Variants in ADAMTS12 observed in about 807,000 individuals in gnomAD.
ADAMTS12 encodes ADAM metallopeptidase with thrombospondin type 1 motif 12.
Under a neutral mutation model 167.8 loss-of-function variants are expected in ADAMTS12, and 118 were observed. The ratio of observed to expected loss-of-function variants is 0.70; its 90% CI spans 0.61 to 0.82. The LOEUF is 0.82. Ranked by LOEUF, ADAMTS12 falls within the 40% of genes least tolerant of loss-of-function variation. The probability of loss-of-function intolerance (pLI) is 0.00; values close to 1 mark genes in which losing one functional copy is unlikely to be tolerated. For synonymous variants in ADAMTS12, 704 were observed against 716.9 expected (o/e 0.98, Z 0.29); for missense variants, 1,916 against 1,998.8 (o/e 0.96, Z 0.79).
At chr5:33,732,173 T>C (rs2112354694) in intron 3 of ADAMTS12, among the ~76,000 whole-genome samples, 1 of 152,286 alleles carries the variant, frequency 6.6e-6, no homozygotes, top group African/African-American at 2.4e-5. Context: ...AGGCAATACA[T>C]GTACCACATA....
intron 2 of ADAMTS12, among the ~76,000 whole-genome samples, chr5:33,768,881 T>C (rs1323368343): frequency 6.6e-6 from 1 of 152,014 alleles, no homozygotes; most frequent in Non-Finnish European, 1.5e-5. Flanking sequence ...ATGCCCTAAT[T>C]CCCAGAATCT....
chr5:33,874,455 A>G lies in ADAMTS12; in HGVS notation c.489+6664T>C, dbSNP rs570848073. On this transcript the variant is annotated intron_variant, in intron 2 of 23. Coordinates refer to ENST00000504830, the MANE Select transcript of ADAMTS12 (RefSeq NM_030955.4). ...CAAATGCTGGCAAAGATATGGAGCA[A>G]TAGGAACTCACCTTCATTGCTGGTG... 4.6e-5 allele frequency among the ~76,000 whole-genome samples: 7 copies of G among 152,354 alleles called. No individual in the cohort carries two copies. In the East Asian group the frequency reaches 1.3e-3, roughly 29 times the overall value.
In ADAMTS12 at chr5:33,790,983, G is replaced by A. The variant is rs114661358; in HGVS notation, c.490-39435C>T. ...GTTAACATTGGTCAGAGGGTTGCAT[G>A]GTGATTCCCAGTCCCTCCACTACAG... On this transcript the variant is annotated intron_variant, in intron 2 of 23. Coordinates refer to ENST00000504830, the MANE Select transcript of ADAMTS12 (RefSeq NM_030955.4). Among the ~76,000 whole-genome samples, 1,196 of 152,070 alleles carry A rather than the reference G, an allele frequency of 7.9e-3. 17 individuals carry two copies. Among genetic ancestry groups the A allele is most frequent in the African/African-American group, 0.028 (1,145 of 41,452 alleles).
intron 16 of ADAMTS12, among the ~76,000 whole-genome samples, chr5:33,613,664 G>C (rs1048716779): frequency 5.9e-5 from 9 of 152,194 alleles, no homozygotes; most frequent in African/African-American, 2.2e-4. Context: ...AACCTTCATT[G>C]TGTTGAATTA....
At chr5:33,883,822 G>A (rs1003496095) in intron 1 of ADAMTS12, among the ~76,000 whole-genome samples, 2 of 152,144 alleles carry the variant, frequency 1.3e-5, no homozygotes, top group African/African-American at 2.4e-5. Flanking sequence ...AACTGACTCA[G>A]TCCTCTCTCC....
chr5:33,751,632 G>A (rs1744985690), intron 2 of ADAMTS12, 84 bp from the exon 3 acceptor site: 4 of 1,371,604 alleles, frequency 2.9e-6, no homozygotes, highest in East Asian at 2.3e-5. Flanking sequence ...TATAGCTTAT[G>A]AGTATCTCTG....
At chr5:33,624,704 C>G (rs1272575269) in intron 13 of ADAMTS12, among the ~76,000 whole-genome samples, 1 of 152,118 alleles carries the variant, frequency 6.6e-6, no homozygotes, top group Non-Finnish European at 1.5e-5. Flanking sequence ...GTGTTCTCAT[C>G]CTGGAAAAGG....
chr5:33,840,660 T>C (rs907240604), intron 2 of ADAMTS12, among the ~76,000 whole-genome samples: 1 of 152,198 alleles, frequency 6.6e-6, no homozygotes, highest in Admixed American at 6.5e-5. Flanking sequence ...GTACTAACAG[T>C]ATTCAGCTCT....
chr5:33,653,931 A>G (rs543150498), intron 7 of ADAMTS12, among the ~76,000 whole-genome samples: 85 of 152,240 alleles, frequency 5.6e-4, no homozygotes, highest in Non-Finnish European at 1.1e-3. Flanking sequence ...TGAGGCTCCA[A>G]TGACATGAAC....
In ADAMTS12 at chr5:33,738,529, C is replaced by T. The variant is rs563345979; in HGVS notation, c.634+12875G>A. Among the ~76,000 whole-genome samples the T allele has an allele frequency of 2.6e-5, 4 of 152,302 alleles. No homozygotes were observed. In the South Asian group the frequency reaches 6.2e-4, roughly 24 times the overall value. On this transcript the variant is annotated intron_variant, in intron 3 of 23. Coordinates refer to ENST00000504830, the MANE Select transcript of ADAMTS12 (RefSeq NM_030955.4). ...CTAATGAGAAATGGCTTTCGGCTTT[C>T]ACCTCTCATGTCATGGGTCACCTGC... is the stretch of plus-strand genomic sequence containing the variant.
At chr5:33,795,141 G>A (rs1746725572) in intron 2 of ADAMTS12, among the ~76,000 whole-genome samples, 1 of 152,164 alleles carries the variant, frequency 6.6e-6, no homozygotes, top group African/African-American at 2.4e-5. Context: ...CTATAGTTCT[G>A]GCTGTAAAAG....
At chr5:33,542,283 C>T (rs547606543) in intron 22 of ADAMTS12, among the ~76,000 whole-genome samples, 2 of 152,252 alleles carry the variant, frequency 1.3e-5, no homozygotes, top group Admixed American at 6.5e-5. Flanking sequence ...TCAACAAGAG[C>T]TAACTATCCT....
At chr5:33,661,587 A>T (rs1741262225) in intron 6 of ADAMTS12, among the ~76,000 whole-genome samples, 1 of 152,210 alleles carries the variant, frequency 6.6e-6, no homozygotes, top group Non-Finnish European at 1.5e-5. Context: ...GTCTTTAATG[A>T]GGCTCTGCAA....
At chr5:33,750,632 T>C (rs903952114) in intron 3 of ADAMTS12, among the ~76,000 whole-genome samples, 3 of 152,242 alleles carry the variant, frequency 2.0e-5, no homozygotes, top group African/African-American at 4.8e-5. Context: ...GGAGACATTA[T>C]GTAATATTTA....
chr5:33,863,602 T>C (rs183396757), intron 2 of ADAMTS12, among the ~76,000 whole-genome samples: 1 of 152,160 alleles, frequency 6.6e-6, no homozygotes, highest in Non-Finnish European at 1.5e-5. Context: ...ATAGGAAGAA[T>C]CAATATCGTG....
At chr5:33,769,924 C>G (rs1025878115) in intron 2 of ADAMTS12, among the ~76,000 whole-genome samples, 21 of 152,154 alleles carry the variant, frequency 1.4e-4, no homozygotes, top group Non-Finnish European at 1.6e-4. Flanking sequence ...CATGATTCCA[C>G]AGGTAAAGTA....
chr5:33,698,897 C>A (rs1285854651), intron 3 of ADAMTS12, among the ~76,000 whole-genome samples: 1 of 152,226 alleles, frequency 6.6e-6, no homozygotes, highest in Non-Finnish European at 1.5e-5. Context: ...TGGCTTACGC[C>A]TGTAATCCCA....
intron 2 of ADAMTS12, among the ~76,000 whole-genome samples, chr5:33,774,800 T>C (rs1376435712): frequency 6.6e-6 from 1 of 152,218 alleles, no homozygotes; most frequent in Non-Finnish European, 1.5e-5. Context: ...ATGTCCTGCT[T>C]TGCCCAGCTT....
At chr5:33,546,225 T>C (rs768620994) in intron 21 of ADAMTS12, 23 bp from the exon 22 acceptor site, 7 of 1,593,478 alleles carry the variant, frequency 4.4e-6, no homozygotes, top group South Asian at 1.1e-5. Context: ...AGTGACAAGA[T>C]TAGGTAAAAG....
Sources: gnomAD v4.1 joint callset for allele counts (sites outside exome capture counted in the v4.1 genomes callset) on GRCh38, gnomAD v4.1.1 for gene constraint, MANE v1.5 for transcripts, NCBI Gene and HGNC (gene_info 2026-07-23, HGNC 2026-07-21) for gene names.